SOX6: variants seen among roughly 807,000 people sequenced by gnomAD.
SOX6 encodes the protein SRY-box transcription factor 6.
In SOX6, 11 loss-of-function variants were observed where a neutral mutation model predicts 97.8. The ratio of observed to expected loss-of-function variants is 0.11; its 90% CI spans 0.07 to 0.19. The LOEUF (loss-of-function observed/expected upper bound fraction) is 0.19, where lower values mean the gene tolerates loss of function less well. Ranked by LOEUF, SOX6 falls within the 10% of genes least tolerant of loss-of-function variation. SOX6 has a pLI of 1.00. For synonymous variants in SOX6, 360 were observed against 371.4 expected (o/e 0.97, Z 0.35); for missense variants, 810 against 1,039.5 (o/e 0.78, Z 3.04).
chr11:15,995,527 C>A (rs1854197864), intron 13 of SOX6, among the ~76,000 whole-genome samples: 1 of 151,826 alleles, frequency 6.6e-6, no homozygotes, highest in Non-Finnish European at 1.5e-5. Flanking sequence ...ATGAGTTGTA[C>A]AAACAACCAG....
At chr11:16,466,167 C>T (rs900448542) in intron 1 of SOX6, among the ~76,000 whole-genome samples, 1 of 152,190 alleles carries the variant, frequency 6.6e-6, no homozygotes, top group African/African-American at 2.4e-5. Flanking sequence ...AGAGAGAATA[C>T]ACAAAATGCT....
chr11:16,460,530 T>C (rs1859902886), intron 1 of SOX6, among the ~76,000 whole-genome samples: 1 of 152,092 alleles, frequency 6.6e-6, no homozygotes, highest in Non-Finnish European at 1.5e-5. Flanking sequence ...TTTTTTTAAG[T>C]CTATTTTTTA....
chr11:16,735,033 T>C (rs549712514), intron 2 of SOX6, among the ~76,000 whole-genome samples: 8 of 152,206 alleles, frequency 5.3e-5, no homozygotes, highest in Admixed American at 6.5e-5. Context: ...TAATTCTGTA[T>C]AAAATGGGGA....
At chr11:16,652,627 G>T (rs1590039381) in intron 3 of SOX6, among the ~76,000 whole-genome samples, 1 of 152,100 alleles carries the variant, frequency 6.6e-6, no homozygotes, top group South Asian at 2.1e-4. Flanking sequence ...GTGGATCAAA[G>T]ACTTAAATCT....
chr11:16,409,730 G>A (rs1395371872), intron 1 of SOX6, among the ~76,000 whole-genome samples: 1 of 151,878 alleles, frequency 6.6e-6, no homozygotes, highest in Non-Finnish European at 1.5e-5. Context: ...CCCAACAGAT[G>A]CAATGGATAG....
intron 4 of SOX6, among the ~76,000 whole-genome samples, chr11:16,584,334 C>T (rs1848068686): frequency 6.6e-6 from 1 of 152,024 alleles, no homozygotes; most frequent in African/African-American, 2.4e-5. Flanking sequence ...GTAAAAATAC[C>T]CAAAATGCAT....
At chr11:16,291,536 A>G (rs1854920106) in intron 3 of SOX6, among the ~76,000 whole-genome samples, 1 of 151,908 alleles carries the variant, frequency 6.6e-6, no homozygotes, top group Admixed American at 6.6e-5. Context: ...TCTCAATTCT[A>G]ATGGCTCCAG....
At chr11:16,489,656 T>C (rs150553955) in intron 4 of SOX6, among the ~76,000 whole-genome samples, 47 of 152,238 alleles carry the variant, frequency 3.1e-4, no homozygotes, top group Non-Finnish European at 5.6e-4. Flanking sequence ...ATTGCTAAAA[T>C]TGAATGAGAT....
chr11:16,711,421 G>A (rs1035060704), intron 3 of SOX6, among the ~76,000 whole-genome samples: 12 of 144,246 alleles, frequency 8.3e-5, no homozygotes, highest in Non-Finnish European at 1.9e-4. Flanking sequence ...CTACTGGGGG[G>A]TGGAGATGGG....
At chr11:16,460,782 C>T (rs919812222) in intron 1 of SOX6, among the ~76,000 whole-genome samples, 1 of 152,028 alleles carries the variant, frequency 6.6e-6, no homozygotes, top group African/African-American at 2.4e-5. Flanking sequence ...TTCACAGATG[C>T]CATGTACTAA....
chr11:16,621,396 C>A (rs1848543639), intron 3 of SOX6, among the ~76,000 whole-genome samples: 1 of 152,118 alleles, frequency 6.6e-6, no homozygotes, highest in Non-Finnish European at 1.5e-5. Context: ...GTACAGTTTA[C>A]AACCATTCCA....
At chr11:16,067,051 C>A (rs1361373218) in intron 9 of SOX6, among the ~76,000 whole-genome samples, 1 of 152,134 alleles carries the variant, frequency 6.6e-6, no homozygotes, top group African/African-American at 2.4e-5. Context: ...GCCTGTTACT[C>A]CCATTGTATC....
chr11:16,521,871 G>C (rs1861071026), intron 4 of SOX6, among the ~76,000 whole-genome samples: 1 of 152,192 alleles, frequency 6.6e-6, no homozygotes, highest in Non-Finnish European at 1.5e-5. Context: ...CTGGAAGAAA[G>C]GGTATCAGTG....
intron 6 of SOX6, among the ~76,000 whole-genome samples, chr11:16,131,412 A>C (rs1212975504): frequency 6.6e-6 from 1 of 152,020 alleles, no homozygotes; most frequent in Middle Eastern, 3.2e-3. Flanking sequence ...ATACCCCTAA[A>C]ATCCACTAGA....
At chr11:16,507,404 G>A (rs951637226) in intron 4 of SOX6, among the ~76,000 whole-genome samples, 1 of 152,030 alleles carries the variant, frequency 6.6e-6, no homozygotes, top group Non-Finnish European at 1.5e-5. Context: ...CACAGAAATA[G>A]AAGGAAACAC....
At chr11:16,499,798 T>C (rs1860670239) in intron 4 of SOX6, among the ~76,000 whole-genome samples, 1 of 152,162 alleles carries the variant, frequency 6.6e-6, no homozygotes, top group Non-Finnish European at 1.5e-5. Context: ...TAACAGGCTC[T>C]GAAATTGAGG....
chr11:16,669,036 A>C (rs1847828488), intron 3 of SOX6, among the ~76,000 whole-genome samples: 2 of 152,244 alleles, frequency 1.3e-5, no homozygotes, highest in African/African-American at 4.8e-5. Flanking sequence ...CTATAGAGCA[A>C]ATGGACCAAA....
intron 6 of SOX6, among the ~76,000 whole-genome samples, chr11:16,141,865 C>T (rs1850152390): frequency 1.3e-5 from 2 of 152,174 alleles, no homozygotes; most frequent in South Asian, 4.1e-4. Flanking sequence ...GAAGCTCGAA[C>T]TGGGAGGAGC....
intron 10 of SOX6, among the ~76,000 whole-genome samples, chr11:16,053,635 C>A (rs1847739825): frequency 6.6e-6 from 1 of 152,044 alleles, no homozygotes; most frequent in Admixed American, 6.6e-5. Flanking sequence ...GTGGTAGAAC[C>A]AGTATTTTAA....
Sources: gnomAD v4.1 joint callset for allele counts (sites outside exome capture counted in the v4.1 genomes callset) on GRCh38, gnomAD v4.1.1 for gene constraint, MANE v1.5 for transcripts, NCBI Gene and HGNC (gene_info 2026-07-23, HGNC 2026-07-21) for gene names.